The following CPAMD8 variants were observed in gnomAD, a reference collection of about 807,000 sequenced individuals.
CPAMD8 encodes the protein C3 and PZP like alpha-2-macroglobulin domain containing 8, also known as C3 and PZP-like alpha-2-macroglobulin domain-containing protein 8.
Under a neutral mutation model 224.7 loss-of-function variants are expected in CPAMD8, and 146 were observed. The ratio of observed to expected loss-of-function variants is 0.65; its 90% confidence interval spans 0.57 to 0.75. CPAMD8 has a LOEUF of 0.75. Ranked by LOEUF, CPAMD8 falls within the 30% of genes least tolerant of loss-of-function variation. CPAMD8 has a pLI of 0.00. For missense variants in CPAMD8, 2,301 were observed against 2,537.5 expected (o/e 0.91, Z 2.00); for synonymous variants, 966 against 1,044.6 (o/e 0.92, Z 1.45).
intron 13 of CPAMD8, among the ~76,000 whole-genome samples, chr19:16,989,380 G>C (rs530805093): frequency 6.6e-6 from 1 of 152,146 alleles, no homozygotes; most frequent in South Asian, 2.1e-4. Context: ...TCTGCCTCCC[G>C]GGTTCAAGCA....
intron 18 of CPAMD8, 28 bp from the exon 19 acceptor site, chr19:16,957,943 A>C: frequency 6.3e-7 from 1 of 1,598,394 alleles, no homozygotes; most frequent in African/African-American, 1.3e-5. Flanking sequence ...GAAACGATTA[A>C]GGTTTCATGA....
intron 14 of CPAMD8, among the ~76,000 whole-genome samples, chr19:16,979,618 C>CCATCCATCCATT (rs1432816633): frequency 2.6e-5 from 4 of 151,982 alleles, no homozygotes; most frequent in Non-Finnish European, 5.9e-5. Context: ...ATCCATCCAT[C>CCATCCATCCATT]CATCCATTCA....
At chr19:17,026,096 C>A (rs2057073893) in intron 1 of CPAMD8, among the ~76,000 whole-genome samples, 1 of 152,132 alleles carries the variant, frequency 6.6e-6, no homozygotes. Context: ...ACCTTCTCCC[C>A]GCTGTCAACC....
At chr19:16,942,441 G>A (rs1158252153) in intron 22 of CPAMD8, among the ~76,000 whole-genome samples, 18 of 152,130 alleles carry the variant, frequency 1.2e-4, no homozygotes, top group Admixed American at 9.2e-4. Flanking sequence ...CAGCCTGGGC[G>A]ACAGAGTGAG....
chr19:16,999,918 T>C (rs1439223518), intron 10 of CPAMD8, among the ~76,000 whole-genome samples: 2 of 152,094 alleles, frequency 1.3e-5, no homozygotes, highest in African/African-American at 4.8e-5. Context: ...CCTCAAGTGA[T>C]CCGCCCGCCT....
intron 23 of CPAMD8, among the ~76,000 whole-genome samples, chr19:16,934,305 G>T (rs1476357549): frequency 3.9e-5 from 6 of 152,144 alleles, no homozygotes; most frequent in African/African-American, 1.4e-4. Context: ...CATTTAAAAT[G>T]TGTGTAATTT....
intron 18 of CPAMD8, among the ~76,000 whole-genome samples, chr19:16,967,894 T>TGCATATATACACACACGA (rs2054900926): frequency 5.8e-5 from 1 of 17,236 alleles, no homozygotes; most frequent in Admixed American, 1.1e-3. Flanking sequence ...CACACACATG[T>TGCATATATACACACACGA]GTGTGTATAT....
chr19:16,921,864 G>A (rs973074732), intron 27 of CPAMD8, 41 bp downstream of exon 27: 17 of 1,352,902 alleles, frequency 1.3e-5, no homozygotes, highest in East Asian at 7.5e-5. Context: ...GGCGTCGGGC[G>A]GGGAGCCTCA....
chr19:16,897,749 C>T lies in CPAMD8; in HGVS notation c.5007G>A (p.Arg1669=). 6.3e-7 allele frequency: 1 copy of T among 1,581,016 alleles called. No homozygotes were observed. The highest frequency in any genetic ancestry group is 1.2e-5 in the South Asian group (1 of 86,452). Residue 1669 remains arginine, a synonymous_variant, in exon 39 of 42, where the codon CGG becomes CGA. Coordinates refer to ENST00000443236, the MANE Select transcript of CPAMD8 (RefSeq NM_015692.5). The part of the protein sequence containing the change: ...YNVSTHSPLA[R]ELCAGPACNE... ...TGCACGCGGGTCCGGCGCACAGTTC[C>T]CGGGCGAGTGGGCTGTGGGTGCTGA... is the stretch of plus-strand genomic sequence containing the variant.
Position 16,977,512 on chromosome 19 carries a change from G to C in CPAMD8, c.1614C>G (p.Val538=), listed in dbSNP as rs367861617. The part of the protein sequence containing the change: ...TEPPPAPEAE[V]DVCVTSLHLA... ...GATGAAGAGAGGTCACACACACGTCGACCTCAGCTTCTGGGGCTGGTGGGG... is the reference window on the plus strand; with the variant it reads ...GATGAAGAGAGGTCACACACACGTCCACCTCAGCTTCTGGGGCTGGTGGGG... The change falls in exon 15 of 42, where the codon GTC becomes GTG. Residue 538 remains valine (V), a synonymous_variant. Transcript: ENST00000443236. 6.2e-7 allele frequency: 1 copy of C among 1,601,152 alleles called. No individual in the cohort carries two copies.
chr19:16,958,846 C>T lies in CPAMD8; in HGVS notation c.2214-931G>A, dbSNP rs1363593138. Among the ~76,000 whole-genome samples the T allele has an allele frequency of 5.3e-5, 8 of 150,056 alleles. No homozygotes were observed. In the South Asian group the frequency reaches 6.3e-4, roughly 12 times the overall value. On this transcript the variant is annotated intron_variant, in intron 18 of 41. Transcript: ENST00000443236. ...TGGAGTTTCCTTCTTGTCACCCAGG[C>T]TGGAGTGCAATGGCACAATCTCAGC... is the stretch of plus-strand genomic sequence containing the variant.
At chr19:16,969,573 T>C (rs1056062475) in intron 18 of CPAMD8, among the ~76,000 whole-genome samples, 1 of 145,298 alleles carries the variant, frequency 6.9e-6, no homozygotes, top group Non-Finnish European at 1.6e-5. Flanking sequence ...TGAATGGGAT[T>C]AGGGCCCTTA....
chr19:17,015,350 G>T (rs774081655), intron 3 of CPAMD8, among the ~76,000 whole-genome samples: 3 of 152,230 alleles, frequency 2.0e-5, no homozygotes, highest in Non-Finnish European at 4.4e-5. Flanking sequence ...CTCAAGGGGT[G>T]GATGGACCCT....
At chr19:17,013,912 C>T (rs2056735127) in intron 3 of CPAMD8, among the ~76,000 whole-genome samples, 1 of 147,118 alleles carries the variant, frequency 6.8e-6, no homozygotes. Flanking sequence ...TCCTTCACTA[C>T]ACATTCCCTC....
rs3745332 is a variant in CPAMD8 at position 16,921,749 on chromosome 19, T to C, written c.3629+156A>G. 0.53 allele frequency among the ~76,000 whole-genome samples: 80,421 copies of C among 151,738 alleles called. 22,235 individuals are homozygous for C. The highest frequency in any genetic ancestry group is 0.63 in the Middle Eastern group (186 of 294). ...CTGGCCCCAAGCCCCAACCTCCATC[T>C]CTGGAGCTGGGACCACCACAGTCTT... On this transcript the variant is annotated intron_variant, in intron 27 of 41. Coordinates refer to ENST00000443236, the MANE Select transcript of CPAMD8 (RefSeq NM_015692.5).
intron 13 of CPAMD8, among the ~76,000 whole-genome samples, chr19:16,985,717 T>G (rs2055696986): frequency 1.5e-5 from 2 of 132,250 alleles, no homozygotes; most frequent in African/African-American, 5.8e-5. Flanking sequence ...GGAAGATGAG[T>G]GGATAAAGGG....
chr19:16,954,102 C>T (rs368554914), intron 19 of CPAMD8, among the ~76,000 whole-genome samples: 8 of 152,098 alleles, frequency 5.3e-5, no homozygotes, highest in African/African-American at 1.7e-4. Flanking sequence ...ACAAATATCC[C>T]TTTGAGACCC....
chr19:17,012,350 C>CTTTTT (rs984597501), intron 3 of CPAMD8, among the ~76,000 whole-genome samples: 12 of 74,334 alleles, frequency 1.6e-4, no homozygotes, highest in Admixed American at 5.1e-4. Context: ...TTCTTTCTTT[C>CTTTTT]TTTTTTTTTT....
At chr19:16,949,226 T>C (rs1225918330) in intron 20 of CPAMD8, among the ~76,000 whole-genome samples, 1 of 152,018 alleles carries the variant, frequency 6.6e-6, no homozygotes, top group Non-Finnish European at 1.5e-5. Flanking sequence ...GGGTGGTCCT[T>C]AAGCACATAC....
Sources: gnomAD v4.1 joint callset for allele counts (sites outside exome capture counted in the v4.1 genomes callset) on GRCh38, gnomAD v4.1.1 for gene constraint, MANE v1.5 for transcripts, NCBI Gene and HGNC (gene_info 2026-07-23, HGNC 2026-07-21) for gene names.